PDAP1: variants seen among roughly 807,000 people sequenced by gnomAD.
PDAP1 encodes 28 kDa heat- and acid-stable phosphoprotein.
In PDAP1, 13 loss-of-function variants were observed where a neutral mutation model predicts 28.0. The ratio of observed to expected loss-of-function variants is 0.46; its 90% CI spans 0.30 to 0.74. PDAP1 has a LOEUF of 0.74. PDAP1 is among the 30% of genes least tolerant of loss of function. The pLI is 0.07. For missense variants in PDAP1, 150 were observed against 230.0 expected (o/e 0.65, Z 2.25); for synonymous variants, 77 against 85.1 (o/e 0.91, Z 0.52).
At chr7:99,403,595 G>T in intron 2 of PDAP1, 90 bp from the exon 3 acceptor site, 1 of 877,210 alleles carries the variant, frequency 1.1e-6, no homozygotes, top group Non-Finnish European at 1.9e-6. Flanking sequence ...TGTGGATCTT[G>T]AGAAATCAAG....
intron 5 of PDAP1, among the ~76,000 whole-genome samples, chr7:99,397,580 G>A (rs1159478376): frequency 6.6e-6 from 1 of 152,234 alleles, no homozygotes; most frequent in East Asian, 1.9e-4. Context: ...ATGGTTTCCT[G>A]TGACCTCCCG....
chr7:99,404,893 G>A lies in PDAP1; in HGVS notation c.74C>T (p.Ala25Val), dbSNP rs1321561069. ...RQYTSPEEID[A>V]QLQAEKQKAR... is the part of the protein sequence containing the mutation. Reference sequence around the variant, plus strand: ...CTTCTGCTTCTCAGCCTGCAGCTGCGCGTCGATCTCCTCAGGGCTTGTATA... The same window carrying A: ...CTTCTGCTTCTCAGCCTGCAGCTGCACGTCGATCTCCTCAGGGCTTGTATA... Residue 25 changes from alanine (A) to valine (V), a missense_variant, in exon 2 of 6, where the codon GCG becomes GTG. Coordinates refer to ENST00000350498, the MANE Select transcript of PDAP1 (RefSeq NM_014891.7). 3.7e-6 allele frequency: 6 copies of A among 1,613,236 alleles called. No homozygotes were observed. The highest frequency in any genetic ancestry group is 1.3e-5 in the African/African-American group (1 of 74,908).
chr7:99,395,731 C>G lies in PDAP1; in HGVS notation c.*951G>C, dbSNP rs28558950. ...GGCCAGGATCCTGGTGCTGCTTCAG[C>G]CTACTGTGGCCTGGAAGGGTCCCTG... On this transcript the variant is annotated 3_prime_UTR_variant, in exon 6 of 6. Coordinates refer to ENST00000350498, the MANE Select transcript of PDAP1 (RefSeq NM_014891.7). 6.6e-6 allele frequency: 1 copy of G among 152,216 alleles called. No homozygotes were observed. The highest frequency in any genetic ancestry group is 1.5e-5 in the Non-Finnish European group (1 of 68,094). The allele number at this position is 152,216 out of a possible 1,614,324, so 9.4% of individuals were successfully genotyped here.
chr7:99,408,091 T>G (rs879470881), intron 1 of PDAP1, among the ~76,000 whole-genome samples: 1 of 152,108 alleles, frequency 6.6e-6, no homozygotes, highest in Non-Finnish European at 1.5e-5. Context: ...AAACCAGGTC[T>G]GGAAGGCTCA....
intron 4 of PDAP1, among the ~76,000 whole-genome samples, chr7:99,399,820 CTT>C (rs1259009512): frequency 3.9e-5 from 6 of 152,232 alleles, no homozygotes; most frequent in Non-Finnish European, 8.8e-5. Flanking sequence ...TCATACGACT[CTT>C]GAGGAAGATA....
chr7:99,406,757 GT>G (rs1794979415), intron 1 of PDAP1, among the ~76,000 whole-genome samples: 1 of 152,208 alleles, frequency 6.6e-6, no homozygotes, highest in Admixed American at 6.5e-5. Context: ...ATCAGCCAGA[GT>G]TGCTCTGCAC....
intron 5 of PDAP1, among the ~76,000 whole-genome samples, chr7:99,397,234 C>G (rs890076678): frequency 6.6e-6 from 1 of 152,096 alleles, no homozygotes; most frequent in African/African-American, 2.4e-5. Flanking sequence ...TCCTCATGGT[C>G]TGGTGAGGAG....
chr7:99,397,724 TCTCCTGAACGAC>T, intron 5 of PDAP1, 126 bp downstream of exon 5: 3 of 1,007,412 alleles, frequency 3.0e-6, no homozygotes, highest in Non-Finnish European at 4.3e-6. Flanking sequence ...AGGGTGGCCC[TCTCCTGAACGAC>T]CTCCTAGGCA....
At chr7:99,403,588 G>A in intron 2 of PDAP1, 83 bp from the exon 3 acceptor site, 1 of 911,342 alleles carries the variant, frequency 1.1e-6, no homozygotes, top group Non-Finnish European at 1.8e-6. Flanking sequence ...CCCAGACTGT[G>A]GATCTTGAGA....
At chr7:99,403,652 C>T in intron 2 of PDAP1, 147 bp from the exon 3 acceptor site, 1 of 704,448 alleles carries the variant, frequency 1.4e-6, no homozygotes, top group East Asian at 2.7e-5. Flanking sequence ...TACTGTGACC[C>T]TGGCCCCCAG....
chr7:99,402,054 G>A (rs1342992825), intron 3 of PDAP1, among the ~76,000 whole-genome samples: 1 of 151,850 alleles, frequency 6.6e-6, no homozygotes, highest in African/African-American at 2.4e-5. Context: ...CAGATCACGA[G>A]GTCAGGAGAT....
At position 99,394,799 on chromosome 7, in the gene PDAP1, AAAG is replaced by A. The variant is rs1794714427; in HGVS notation, c.*1880_*1882del. Reference sequence around the variant, plus strand: ...CTGTGTAAAAAAAAAAAAAAAAAAAAAAGTAATTATGGACATGCTTGCCTATGT... The same window carrying A: ...CTGTGTAAAAAAAAAAAAAAAAAAAATAATTATGGACATGCTTGCCTATGT... On this transcript the variant is annotated 3_prime_UTR_variant, in exon 6 of 6. Transcript: ENST00000350498. The A allele has an allele frequency of 1.6e-6, 2 of 1,227,166 alleles. No individual in the cohort carries two copies. The highest frequency in any genetic ancestry group is 1.0e-6 in the Non-Finnish European group (1 of 984,116). 76.0% of individuals were successfully genotyped at this position (1,227,166 alleles called of 1,614,324 possible).
intron 4 of PDAP1, among the ~76,000 whole-genome samples, chr7:99,399,419 AGGAG>A (rs369379015): frequency 6.6e-6 from 1 of 151,598 alleles, no homozygotes; most frequent in African/African-American, 2.4e-5. Flanking sequence ...AAAGGACAGA[AGGAG>A]GGAGCAACAG....
At chr7:99,397,772 C>A in intron 5 of PDAP1, 90 bp downstream of exon 5, 1 of 1,502,174 alleles carries the variant, frequency 6.7e-7, no homozygotes, top group Non-Finnish European at 9.1e-7. Context: ...CTCATTGTCA[C>A]CTCGCGGACA....
Position 99,400,398 on chromosome 7 carries a change from G to T in PDAP1, c.240C>A (p.Leu80=). Residue 80 remains leucine, a synonymous_variant, in exon 4 of 6, where the codon CTC becomes CTA. Transcript: ENST00000350498. ...YQQKRKGVEG[L]IDIENPNRVA... ...CCCGGTTGGGGTTCTCGATGTCGAT[G>T]AGCCCTTCAACGCCTTTGCGCTTTT... 24 of 1,614,178 alleles carry T rather than the reference G, an allele frequency of 1.5e-5. No individual in the cohort carries two copies. The highest frequency in any genetic ancestry group is 2.0e-5 in the Non-Finnish European group (24 of 1,180,016).
intron 4 of PDAP1, among the ~76,000 whole-genome samples, chr7:99,399,110 G>A (rs979505727): frequency 1.3e-5 from 2 of 152,144 alleles, no homozygotes; most frequent in African/African-American, 4.8e-5. Flanking sequence ...CAGGAGGCTG[G>A]GAGAGAGACT....
At position 99,396,565 on chromosome 7, in the gene PDAP1, G is replaced by C. The variant is rs1794767890; in HGVS notation, c.*117C>G. 8.2e-6 allele frequency: 7 copies of C among 856,498 alleles called. No individual in the cohort carries two copies. The highest frequency in any genetic ancestry group is 1.4e-5 in the Non-Finnish European group (7 of 497,356). The allele number at this position is 856,498 out of a possible 1,614,324, so 53.1% of individuals were successfully genotyped here. The stretch of plus-strand genomic sequence containing the variant: ...ATGAAGAGGAGGCCCCAGGCCATGG[G>C]GGGCTCCTGGCCATGAGGGGCTGTT... On this transcript the variant is annotated 3_prime_UTR_variant, in exon 6 of 6. Coordinates refer to ENST00000350498, the MANE Select transcript of PDAP1 (RefSeq NM_014891.7).
intron 2 of PDAP1, among the ~76,000 whole-genome samples, chr7:99,403,720 G>A (rs1294490107): frequency 6.6e-6 from 1 of 152,118 alleles, no homozygotes; most frequent in Non-Finnish European, 1.5e-5. Flanking sequence ...CAGCTTAGAG[G>A]CCATTCCCAT....
In PDAP1 at chr7:99,403,307, T is replaced by C. The variant is rs73397427; in HGVS notation, c.213+91A>G. Reference sequence around the variant, plus strand: ...CTCAAGAGCAAGGACGTTGTCTGCATCTACCTTTGGGACTAGTACTAAACG... The same window carrying C: ...CTCAAGAGCAAGGACGTTGTCTGCACCTACCTTTGGGACTAGTACTAAACG... On this transcript the variant is annotated intron_variant, in intron 3 of 5. Coordinates refer to ENST00000350498, the MANE Select transcript of PDAP1 (RefSeq NM_014891.7). The C allele has an allele frequency of 8.2e-4, 643 of 780,446 alleles. 4 individuals are homozygous for C. The African/African-American group carries it at 0.01, about 12-fold the overall frequency. The allele number at this position is 780,446 out of a possible 1,614,324, so 48.3% of individuals were successfully genotyped here.
Sources: allele counts gnomAD v4.1 joint callset (sites outside exome capture counted in the v4.1 genomes callset), GRCh38; gene constraint gnomAD v4.1.1; transcripts MANE v1.5; gene names NCBI Gene and HGNC (gene_info 2026-07-23, HGNC 2026-07-21).